NELL1: variants seen among roughly 807,000 people sequenced by gnomAD.
The protein encoded by NELL1 is neural EGFL like 1.
A neutral mutation model predicts 107.4 loss-of-function variants in NELL1; 76 were observed. That is an observed-to-expected ratio of 0.71 (90% CI 0.59 to 0.86). The LOEUF is 0.86. Ranked by LOEUF, NELL1 falls within the 40% of genes least tolerant of loss-of-function variation. The pLI is 0.00. For synonymous variants in NELL1, 353 were observed against 341.2 expected (o/e 1.03, Z -0.38); for missense variants, 1,024 against 1,005.5 (o/e 1.02, Z -0.25).
At chr11:20,697,319 G>C (rs770051957) in intron 2 of NELL1, among the ~76,000 whole-genome samples, 2 of 151,856 alleles carry the variant, frequency 1.3e-5, no homozygotes, top group Non-Finnish European at 2.9e-5. Context: ...TTAAGTAGTT[G>C]GGAGGATGTG....
intron 2 of NELL1, among the ~76,000 whole-genome samples, chr11:20,772,358 C>T (rs1271550747): frequency 6.6e-6 from 1 of 152,144 alleles, no homozygotes; most frequent in Non-Finnish European, 1.5e-5. Flanking sequence ...AAGTTGGAGT[C>T]AGAGACACAT....
At chr11:21,329,550 G>A (rs962773592) in intron 14 of NELL1, among the ~76,000 whole-genome samples, 1 of 152,084 alleles carries the variant, frequency 6.6e-6, no homozygotes, top group African/African-American at 2.4e-5. Context: ...GTTAAATATT[G>A]TAATAGCAAC....
In NELL1 at chr11:21,169,658, C is replaced by G. The variant is rs144844376; in HGVS notation, c.1426+55944C>G. The G allele has an allele frequency of 8.9e-3, 4,219 of 473,678 alleles. 38 individuals are homozygous for G. Among genetic ancestry groups the G allele is most frequent in the Admixed American group, 0.014 (358 of 25,014 alleles). The allele number at this position is 473,678 out of a possible 1,614,324, so 29.3% of individuals were successfully genotyped here. On this transcript the variant is annotated intron_variant, in intron 13 of 19. Transcript: ENST00000357134. Reference sequence around the variant, plus strand: ...TTCTCTTAGTATGTTTAGGCAAACCCCTTCCTTACTCCATATGTACCTAAT... The same window carrying G: ...TTCTCTTAGTATGTTTAGGCAAACCGCTTCCTTACTCCATATGTACCTAAT...
intron 15 of NELL1, among the ~76,000 whole-genome samples, chr11:21,503,269 A>G (rs1159028119): frequency 2.0e-5 from 3 of 152,234 alleles, no homozygotes. Context: ...AGAGGCAGGC[A>G]TAAGTATGAA....
chr11:21,150,592 G>A (rs1856092758), intron 13 of NELL1, among the ~76,000 whole-genome samples: 1 of 152,134 alleles, frequency 6.6e-6, no homozygotes, highest in Non-Finnish European at 1.5e-5. Flanking sequence ...CTGGGCAATA[G>A]GACACTGAGA....
At chr11:21,041,412 C>T (rs1853228602) in intron 12 of NELL1, among the ~76,000 whole-genome samples, 1 of 152,022 alleles carries the variant, frequency 6.6e-6, no homozygotes, top group South Asian at 2.1e-4. Context: ...TTTTTTATAG[C>T]AAAAAGTCAG....
intron 15 of NELL1, among the ~76,000 whole-genome samples, chr11:21,484,647 ATACATATGTACAT>A (rs1199000577): frequency 3.9e-5 from 6 of 152,106 alleles, no homozygotes; most frequent in African/African-American, 1.4e-4. Flanking sequence ...TGTGTTATAT[ATACATATGTACAT>A]TACATATGTA....
chr11:21,102,208 CT>C (rs1230980557), intron 12 of NELL1, among the ~76,000 whole-genome samples: 2 of 152,182 alleles, frequency 1.3e-5, no homozygotes, highest in Admixed American at 1.3e-4. Flanking sequence ...CCTAAGGAGT[CT>C]TTTAAACATT....
At chr11:20,795,425 A>G (rs1487426322) in intron 3 of NELL1, among the ~76,000 whole-genome samples, 3 of 152,238 alleles carry the variant, frequency 2.0e-5, no homozygotes, top group Non-Finnish European at 4.4e-5. Context: ...CAGTAGCAAT[A>G]GAGTGCATTA....
chr11:20,956,213 C>T (rs1474584802), intron 11 of NELL1, among the ~76,000 whole-genome samples: 2 of 151,570 alleles, frequency 1.3e-5, no homozygotes, highest in African/African-American at 4.8e-5. Context: ...AGTGAGACTT[C>T]GTCTCAAAAC....
chr11:21,423,592 G>A (rs2133824978), intron 15 of NELL1, among the ~76,000 whole-genome samples: 1 of 152,220 alleles, frequency 6.6e-6, no homozygotes, highest in African/African-American at 2.4e-5. Context: ...AGATAAGTAA[G>A]GAGAGAGACT....
At chr11:20,810,889 T>C (rs1275806048) in intron 3 of NELL1, among the ~76,000 whole-genome samples, 1 of 152,054 alleles carries the variant, frequency 6.6e-6, no homozygotes, top group African/African-American at 2.4e-5. Context: ...GTTTCTTATA[T>C]ATTTTTTATA....
rs570671655 is a variant in NELL1 at position 21,384,694 on chromosome 11, G to A, written c.1645+13746G>A. Reference sequence around the variant, plus strand: ...TCCCACCTATGAGTGAGAATATGCGGTGTTTGGTTTTTTGTTCTTGCGATA... The same window carrying A: ...TCCCACCTATGAGTGAGAATATGCGATGTTTGGTTTTTTGTTCTTGCGATA... On this transcript the variant is annotated intron_variant, in intron 15 of 19. Coordinates refer to ENST00000357134, the MANE Select transcript of NELL1 (RefSeq NM_006157.5). Among the ~76,000 whole-genome samples the A allele has an allele frequency of 6.5e-3, 989 of 151,706 alleles. 13 individuals are homozygous for A. Among genetic ancestry groups the A allele is most frequent in the African/African-American group, 0.023 (934 of 41,214 alleles).
At chr11:21,142,780 C>T (rs10500892) in intron 13 of NELL1, among the ~76,000 whole-genome samples, 1 of 152,092 alleles carries the variant, frequency 6.6e-6, no homozygotes, top group Non-Finnish European at 1.5e-5. Context: ...GTCTTCTCAT[C>T]TGCAAAAGGA....
chr11:20,700,186 A>G (rs942295100), intron 2 of NELL1, among the ~76,000 whole-genome samples: 2 of 152,200 alleles, frequency 1.3e-5, no homozygotes, highest in Non-Finnish European at 2.9e-5. Context: ...AATGGATAAT[A>G]TGTATTTCAA....
At chr11:20,974,181 T>C (rs1851557486) in intron 12 of NELL1, among the ~76,000 whole-genome samples, 1 of 152,306 alleles carries the variant, frequency 6.6e-6, no homozygotes, top group East Asian at 1.9e-4. Flanking sequence ...GCTCAGTAAG[T>C]ATTCGTTGAA....
At chr11:21,397,845 A>T (rs1030222876) in intron 15 of NELL1, among the ~76,000 whole-genome samples, 14 of 151,516 alleles carry the variant, frequency 9.2e-5, no homozygotes, top group Non-Finnish European at 2.1e-4. Context: ...CCCTTATATT[A>T]GAGGCCCAAG....
intron 14 of NELL1, among the ~76,000 whole-genome samples, chr11:21,329,888 G>A (rs11026027): frequency 6.6e-6 from 1 of 151,810 alleles, no homozygotes; most frequent in South Asian, 2.1e-4. Context: ...TGCCACTGTT[G>A]TTATACTGTA....
chr11:21,374,243 G>A (rs1172614305), intron 15 of NELL1, among the ~76,000 whole-genome samples: 1 of 151,958 alleles, frequency 6.6e-6, no homozygotes, highest in African/African-American at 2.4e-5. Flanking sequence ...TGAAATTTGA[G>A]AGCAGCTTAG....
Sources: allele counts gnomAD v4.1 joint callset (sites outside exome capture counted in the v4.1 genomes callset), GRCh38; gene constraint gnomAD v4.1.1; transcripts MANE v1.5; gene names NCBI Gene and HGNC (gene_info 2026-07-23, HGNC 2026-07-21).